The following MRTFB variants were observed in gnomAD, a reference collection of about 807,000 sequenced individuals.
MRTFB encodes the protein myocardin related transcription factor B, also known as myocardin-related transcription factor B.
Under a neutral mutation model 104.2 loss-of-function variants are expected in MRTFB, and 29 were observed. That is an observed-to-expected ratio of 0.28 (90% CI 0.21 to 0.38). The LOEUF (loss-of-function observed/expected upper bound fraction) is 0.38. Ranked by LOEUF, MRTFB falls within the 10% of genes least tolerant of loss-of-function variation. The pLI is 1.00. For missense variants in MRTFB, 1,270 were observed against 1,341.6 expected (o/e 0.95, Z 0.83); for synonymous variants, 535 against 519.5 (o/e 1.03, Z -0.41).
the MRTFB span, among the ~76,000 whole-genome samples, chr16:13,996,166 G>T: frequency 6.6e-6 from 1 of 152,080 alleles, no homozygotes; most frequent in Non-Finnish European, 1.5e-5. Flanking sequence ...TAGCTAGTCA[G>T]GAGGCTGAGG....
At chr16:14,071,236 G>T (rs1043109915), upstream of MRTFB, 1 of 153,256 alleles carries the variant, frequency 6.5e-6, no homozygotes, top group South Asian at 1.8e-4. Flanking sequence ...GCAGCGTCCG[G>T]GGAGCGCGCC....
chr16:14,086,836 A>G (rs889641843), intron 2 of MRTFB, among the ~76,000 whole-genome samples: 10 of 152,200 alleles, frequency 6.6e-5, no homozygotes, highest in Non-Finnish European at 1.3e-4. Flanking sequence ...TCTTAGCTGC[A>G]TTTGTAATAA....
At chr16:14,033,835 CAAAAA>C in the MRTFB span, among the ~76,000 whole-genome samples, 3 of 90,494 alleles carry the variant, frequency 3.3e-5, no homozygotes, top group Admixed American at 1.1e-4. Context: ...GACTCAGTCT[CAAAAA>C]AAAAAAAAAA....
At chr16:14,012,594 G>A in the MRTFB span, among the ~76,000 whole-genome samples, 25 of 152,140 alleles carry the variant, frequency 1.6e-4, no homozygotes, top group African/African-American at 5.8e-4. Flanking sequence ...CACCGCGCCC[G>A]GCTGACCTTG....
At chr16:14,228,302 C>T (rs763082195) in intron 8 of MRTFB, among the ~76,000 whole-genome samples, 7 of 152,154 alleles carry the variant, frequency 4.6e-5, no homozygotes, top group South Asian at 2.1e-4. Flanking sequence ...CAGGGCTGGG[C>T]GCAGTGGCTT....
chr16:14,243,536 G>A (rs944794010), intron 10 of MRTFB, among the ~76,000 whole-genome samples: 13 of 152,150 alleles, frequency 8.5e-5, no homozygotes, highest in African/African-American at 3.1e-4. Context: ...AAACACCACT[G>A]TTACCAAGAG....
At chr16:14,249,207 C>T in intron 13 of MRTFB, 126 bp downstream of exon 13, 1 of 1,144,464 alleles carries the variant, frequency 8.7e-7, no homozygotes, top group East Asian at 2.6e-5. Flanking sequence ...ATCCATCTCC[C>T]ATAGAATGAG....
At chr16:14,173,391 G>A (rs950297781) in intron 3 of MRTFB, among the ~76,000 whole-genome samples, 4 of 152,038 alleles carry the variant, frequency 2.6e-5, no homozygotes, top group African/African-American at 9.7e-5. Context: ...TATTTTTTAG[G>A]AGTTTTACAC....
At chr16:14,011,642 T>G in the MRTFB span, among the ~76,000 whole-genome samples, 25,744 of 151,994 alleles carry the variant, frequency 0.17, 3,397 homozygotes, top group African/African-American at 0.37. Flanking sequence ...TCCCAGCACT[T>G]TGGGAGGCTG....
chr16:14,011,148 T>C, the MRTFB span, among the ~76,000 whole-genome samples: 1 of 152,194 alleles, frequency 6.6e-6, no homozygotes, highest in East Asian at 1.9e-4. Context: ...GAAAATGAAA[T>C]TGTTGGGCGA....
chr16:14,250,081 A>C (rs554131283), intron 13 of MRTFB, among the ~76,000 whole-genome samples: 1 of 152,366 alleles, frequency 6.6e-6, no homozygotes, highest in Non-Finnish European at 1.5e-5. Flanking sequence ...AAAGGAAAAA[A>C]TAATATGTAG....
intron 3 of MRTFB, chr16:14,150,766 A>C (rs1264373209): frequency 6.6e-6 from 1 of 152,228 alleles, no homozygotes; most frequent in African/African-American, 2.4e-5. Flanking sequence ...TTATAAAATG[A>C]ATCATCTGTC....
At chr16:14,063,761 G>C in the MRTFB span, among the ~76,000 whole-genome samples, 3 of 152,178 alleles carry the variant, frequency 2.0e-5, no homozygotes, top group African/African-American at 7.2e-5. Context: ...TGTCGTACCT[G>C]TAGCCTATCT....
At chr16:14,010,855 C>A in the MRTFB span, among the ~76,000 whole-genome samples, 1 of 152,228 alleles carries the variant, frequency 6.6e-6, no homozygotes. Context: ...AGATACATCT[C>A]AATAGCCACA....
At chr16:13,996,823 C>A in the MRTFB span, among the ~76,000 whole-genome samples, 1 of 152,100 alleles carries the variant, frequency 6.6e-6, no homozygotes, top group Non-Finnish European at 1.5e-5. Flanking sequence ...CAGGGACAAC[C>A]GACGGCTCTC....
At chr16:14,200,789 C>T (rs1012893071) in intron 3 of MRTFB, 3 of 1,467,330 alleles carry the variant, frequency 2.0e-6, no homozygotes, top group East Asian at 2.3e-5. Flanking sequence ...CTTCAGTGCA[C>T]GCTTCTCCTT....
chr16:14,037,510 T>G, the MRTFB span, among the ~76,000 whole-genome samples: 1 of 152,148 alleles, frequency 6.6e-6, no homozygotes, highest in Non-Finnish European at 1.5e-5. Context: ...AGAGTTCTTT[T>G]TACATGGATG....
chr16:14,056,126 G>C, the MRTFB span, among the ~76,000 whole-genome samples: 1 of 152,016 alleles, frequency 6.6e-6, no homozygotes, highest in African/African-American at 2.4e-5. Context: ...TTACAGGTGT[G>C]CACCACCATG....
the MRTFB span, among the ~76,000 whole-genome samples, chr16:14,032,275 T>A: frequency 6.6e-6 from 1 of 152,218 alleles, no homozygotes; most frequent in African/African-American, 2.4e-5. Context: ...TGGCCAATGC[T>A]TTCATCCATC....
Sources: gnomAD v4.1 joint callset for allele counts (sites outside exome capture counted in the v4.1 genomes callset) on GRCh38, gnomAD v4.1.1 for gene constraint, MANE v1.5 for transcripts, NCBI Gene and HGNC (gene_info 2026-07-23, HGNC 2026-07-21) for gene names.